Variants in ROCK1 observed in about 807,000 individuals in gnomAD.
ROCK1 encodes Rho associated coiled-coil containing protein kinase 1, also known as rho-associated protein kinase 1.
In ROCK1, 36 loss-of-function variants were observed where a neutral mutation model predicts 196.8. The observed-to-expected ratio is 0.18, with a 90% CI of 0.14 to 0.24. ROCK1 has a LOEUF of 0.24. Among genes scored for constraint, ROCK1 ranks in the 10% least tolerant of loss-of-function variants. ROCK1 has a pLI of 1.00. For missense variants in ROCK1, 920 were observed against 1,562.0 expected, an observed-to-expected ratio of 0.59 and a Z score of 6.93; for synonymous variants, 443 against 515.9, an observed-to-expected ratio of 0.86 and a Z score of 1.91.
intron 31 of ROCK1, 55 bp downstream of exon 31, chr18:20,954,728 T>C (rs889521348): frequency 9.0e-5 from 136 of 1,519,550 alleles, no homozygotes; most frequent in East Asian, 6.8e-4. Context: ...AGTTAGTTCA[T>C]TGAGACTTAA....
intron 12 of ROCK1, 124 bp downstream of exon 12, chr18:21,020,027 T>C: frequency 1.9e-6 from 1 of 518,550 alleles, no homozygotes; most frequent in Non-Finnish European, 3.3e-6. Flanking sequence ...ATGAATGTAT[T>C]ATCAGTAGTA....
At chr18:20,952,408 A>AATGG (rs1466336161) in intron 32 of ROCK1, among the ~76,000 whole-genome samples, 1 of 151,602 alleles carries the variant, frequency 6.6e-6, no homozygotes, top group Non-Finnish European at 1.5e-5. Flanking sequence ...TGAATGAATG[A>AATGG]ATGAATGAAT....
intron 21 of ROCK1, among the ~76,000 whole-genome samples, chr18:20,980,239 T>TA (rs374886251): frequency 0.046 from 6,827 of 147,730 alleles, 511 homozygotes; most frequent in African/African-American, 0.16. Flanking sequence ...ATACATGGGT[T>TA]AAAAAAAAAA....
intron 17 of ROCK1, 57 bp downstream of exon 17, chr18:20,992,774 T>A: frequency 1.0e-6 from 1 of 997,034 alleles, no homozygotes; most frequent in Non-Finnish European, 1.5e-6. Flanking sequence ...CACCTAGTAG[T>A]CTATGATAAT....
intron 16 of ROCK1, among the ~76,000 whole-genome samples, chr18:20,994,421 C>T (rs545602227): frequency 5.9e-5 from 9 of 152,196 alleles, no homozygotes; most frequent in African/African-American, 2.2e-4. Context: ...ATTGCCTGAG[C>T]TCAGGAGTTT....
chr18:21,049,022 A>G (rs1303925107), intron 4 of ROCK1, 70 bp downstream of exon 4: 1 of 1,350,958 alleles, frequency 7.4e-7, no homozygotes, highest in Non-Finnish European at 9.7e-7. Context: ...TCTAAAACAC[A>G]AACTAAGCTT....
chr18:21,086,339 C>T (rs1337641507), intron 1 of ROCK1, among the ~76,000 whole-genome samples: 5 of 151,958 alleles, frequency 3.3e-5, no homozygotes, highest in Non-Finnish European at 7.4e-5. Flanking sequence ...CTCGAACTCC[C>T]GACCTCAAGT....
rs573020653 is a variant in ROCK1 at position 20,951,025 on chromosome 18, A to C, written c.*359T>G. 2.6e-5 allele frequency: 5 copies of C among 193,432 alleles called. No homozygotes were observed. Among genetic ancestry groups the C allele is most frequent in the African/African-American group, 9.2e-5 (4 of 43,252 alleles). 12.0% of individuals were successfully genotyped at this position (193,432 alleles called of 1,614,324 possible). A position where few individuals can be genotyped will look rare whatever the true frequency, so the allele number is the denominator to read the frequency against. On this transcript the variant is annotated 3_prime_UTR_variant, in exon 33 of 33. Transcript: ENST00000399799. ...TGATAGTGATGGCTGTTCCACTTGA[A>C]AGTGAAAGTCCCTTCCTCTTACTCA... is the stretch of plus-strand genomic sequence containing the variant.
intron 16 of ROCK1, among the ~76,000 whole-genome samples, chr18:21,000,657 C>T (rs2035716136): frequency 6.6e-6 from 1 of 152,122 alleles, no homozygotes; most frequent in Non-Finnish European, 1.5e-5. Flanking sequence ...ATATTAGATG[C>T]TCAATATCAT....
intron 4 of ROCK1, 125 bp downstream of exon 4, chr18:21,048,967 G>T: frequency 1.4e-6 from 1 of 721,138 alleles, no homozygotes. Context: ...GATTTAAAAG[G>T]TAATTAGACA....
At chr18:21,030,012 C>A (rs1407948666) in intron 9 of ROCK1, among the ~76,000 whole-genome samples, 1 of 152,042 alleles carries the variant, frequency 6.6e-6, no homozygotes, top group African/African-American at 2.4e-5. Context: ...ATCTGAGACA[C>A]AGTAAATTAA....
At position 21,085,343 on chromosome 18, in the gene ROCK1, CA is replaced by C. The variant is rs369750551; in HGVS notation, c.94-14731del. On this transcript the variant is annotated intron_variant, in intron 1 of 32. Transcript: ENST00000399799. ...CAGAGCAGCTTGGACAACCCCATTT[CA>C]AAAAAAAAAAAAAGGCAAATTTCAT... Among the ~76,000 whole-genome samples, 9 of 78,020 alleles carry C rather than the reference CA, an allele frequency of 1.2e-4. No individual in the cohort carries two copies. In the South Asian group the frequency reaches 1.9e-3, roughly 16 times the overall value. 51.2% of individuals were successfully genotyped at this position (78,020 alleles called of 152,430 possible). A position where few individuals can be genotyped will look rare whatever the true frequency, so the allele number is the denominator to read the frequency against.
At chr18:21,018,211 G>A (rs1428634529) in intron 12 of ROCK1, among the ~76,000 whole-genome samples, 4 of 151,734 alleles carry the variant, frequency 2.6e-5, no homozygotes, top group Admixed American at 6.6e-5. Context: ...CTACCAGTTT[G>A]TCACTTGTCT....
At chr18:21,024,513 A>C (rs1235700957) in intron 10 of ROCK1, among the ~76,000 whole-genome samples, 1 of 152,204 alleles carries the variant, frequency 6.6e-6, no homozygotes, top group Non-Finnish European at 1.5e-5. Context: ...CCACCACTAC[A>C]GTCAGCACCC....
chr18:21,060,839 CA>C (rs930819259), intron 2 of ROCK1, among the ~76,000 whole-genome samples: 2,696 of 44,780 alleles, frequency 0.06, 19 homozygotes, highest in South Asian at 0.14. Flanking sequence ...AACTCCATCT[CA>C]AAAAAAAAAA....
At chr18:21,026,030 A>G (rs531260473) in intron 10 of ROCK1, among the ~76,000 whole-genome samples, 1 of 152,362 alleles carries the variant, frequency 6.6e-6, no homozygotes, top group Non-Finnish European at 1.5e-5. Context: ...AAACCTAAAT[A>G]AAGTTATTAA....
intron 2 of ROCK1, among the ~76,000 whole-genome samples, chr18:21,069,696 G>A (rs1401226306): frequency 1.3e-5 from 2 of 151,980 alleles, no homozygotes; most frequent in East Asian, 3.8e-4. Flanking sequence ...CATCTTTTTA[G>A]TTCCTTCACT....
chr18:21,048,156 T>C (rs1048171366), intron 4 of ROCK1, among the ~76,000 whole-genome samples: 5 of 152,138 alleles, frequency 3.3e-5, no homozygotes, highest in African/African-American at 9.7e-5. Context: ...AACAAGGAAA[T>C]TGTGGCCCAG....
At chr18:20,999,834 C>CG (rs996629706) in intron 16 of ROCK1, among the ~76,000 whole-genome samples, 4 of 152,022 alleles carry the variant, frequency 2.6e-5, no homozygotes, top group African/African-American at 7.2e-5. Context: ...CCATGTTGCT[C>CG]GGGGGGGTCT....
Sources: allele counts gnomAD v4.1 joint callset (sites outside exome capture counted in the v4.1 genomes callset), GRCh38; gene constraint gnomAD v4.1.1; transcripts MANE v1.5; gene names NCBI Gene and HGNC (gene_info 2026-07-23, HGNC 2026-07-21).